Variants in ZNF609 observed in about 807,000 individuals in gnomAD.
The protein encoded by ZNF609 is zinc finger protein 609.
Under a neutral mutation model 109.5 loss-of-function variants are expected in ZNF609, and 11 were observed. That is an observed-to-expected ratio of 0.10 (90% CI 0.06 to 0.17). The LOEUF (loss-of-function observed/expected upper bound fraction) is 0.17, where lower values mean the gene tolerates loss of function less well. Among genes scored for constraint, ZNF609 ranks in the 10% least tolerant of loss-of-function variants. The pLI is 1.00. For missense variants in ZNF609, 1,559 were observed against 1,772.4 expected, an observed-to-expected ratio of 0.88 and a Z score of 2.16; for synonymous variants, 646 against 662.0, an observed-to-expected ratio of 0.98 and a Z score of 0.37.
At chr15:64,547,846 G>A (rs1235882651) in intron 2 of ZNF609, among the ~76,000 whole-genome samples, 1 of 152,088 alleles carries the variant, frequency 6.6e-6, no homozygotes, top group Non-Finnish European at 1.5e-5. Flanking sequence ...TTTTATTAGT[G>A]GTGAGAAGGG....
intron 1 of ZNF609, among the ~76,000 whole-genome samples, chr15:64,467,229 A>C (rs1893027822): frequency 6.6e-6 from 1 of 152,164 alleles, no homozygotes; most frequent in Admixed American, 6.5e-5. Context: ...CTGATGCCAG[A>C]CAAGCTCTGA....
intron 2 of ZNF609, among the ~76,000 whole-genome samples, chr15:64,580,725 G>A (rs1895087170): frequency 6.6e-6 from 1 of 151,636 alleles, no homozygotes; most frequent in African/African-American, 2.4e-5. Context: ...TAGAGATGGG[G>A]TTCCACCTTG....
chr15:64,463,087 C>G (rs1007422347), intron 1 of ZNF609, among the ~76,000 whole-genome samples: 1 of 152,184 alleles, frequency 6.6e-6, no homozygotes. Context: ...GAACTCATCT[C>G]TACAAAAATT....
chr15:64,619,975 A>C (rs2140969981), intron 2 of ZNF609, among the ~76,000 whole-genome samples: 1 of 152,352 alleles, frequency 6.6e-6, no homozygotes, highest in Middle Eastern at 3.4e-3. Flanking sequence ...GCAGGAAATT[A>C]AACTACTTCC....
intron 1 of ZNF609, among the ~76,000 whole-genome samples, chr15:64,475,015 A>G (rs1893147000): frequency 6.6e-6 from 1 of 151,150 alleles, no homozygotes; most frequent in South Asian, 2.1e-4. Context: ...GCTGGCCTCA[A>G]ACTCCTGGGC....
intron 2 of ZNF609, among the ~76,000 whole-genome samples, chr15:64,547,721 G>A (rs897398001): frequency 1.3e-5 from 2 of 151,382 alleles, no homozygotes; most frequent in Non-Finnish European, 2.9e-5. Context: ...TTAGTGCTTG[G>A]GATACATCAG....
chr15:64,567,715 G>T (rs1256772527), intron 2 of ZNF609, among the ~76,000 whole-genome samples: 2 of 151,392 alleles, frequency 1.3e-5, no homozygotes, highest in Non-Finnish European at 2.9e-5. Flanking sequence ...AGGCTGAAGT[G>T]CAGTGGCACG....
intron 1 of ZNF609, among the ~76,000 whole-genome samples, chr15:64,485,505 A>G (rs1313323526): frequency 2.0e-5 from 3 of 152,200 alleles, no homozygotes; most frequent in Non-Finnish European, 4.4e-5. Flanking sequence ...ACGCAGTTGT[A>G]AGAATAATGC....
chr15:64,539,870 CA>C (rs1567009025), intron 2 of ZNF609, among the ~76,000 whole-genome samples: 2 of 151,864 alleles, frequency 1.3e-5, no homozygotes, highest in Non-Finnish European at 2.9e-5. Context: ...CTCCTGACCC[CA>C]GATGATCAGC....
intron 3 of ZNF609, among the ~76,000 whole-genome samples, chr15:64,628,600 A>AAT (rs1896012753): frequency 6.6e-6 from 1 of 152,050 alleles, no homozygotes; most frequent in Non-Finnish European, 1.5e-5. Flanking sequence ...GATGTGAGAG[A>AAT]ATATGCGGCT....
At chr15:64,495,564 C>T (rs1178765120) in intron 1 of ZNF609, among the ~76,000 whole-genome samples, 2 of 151,424 alleles carry the variant, frequency 1.3e-5, no homozygotes, top group African/African-American at 2.4e-5. Context: ...GGTTAATTTT[C>T]GTATTTTTGT....
chr15:64,598,725 C>T (rs1473497549), intron 2 of ZNF609, among the ~76,000 whole-genome samples: 9 of 123,894 alleles, frequency 7.3e-5, no homozygotes, highest in African/African-American at 2.7e-4. Context: ...AACTGTCCAT[C>T]ATACATCTTT....
At position 64,675,709 on chromosome 15, in the gene ZNF609, G is replaced by A. The variant is rs765699443; in HGVS notation, c.2855G>A (p.Ser952Asn). 4 of 1,614,038 alleles carry A rather than the reference G, an allele frequency of 2.5e-6. No individual in the cohort carries two copies. The East Asian group carries it at 8.9e-5, about 36-fold the overall frequency. The stretch of plus-strand genomic sequence containing the variant: ...TGTGAAGAAAAGAAGCCCGAGCTGA[G>A]CAGTTCCAGTCAGCAGCCCTCGGTC... The part of the protein sequence containing the change: ...DICEEKKPEL[S>N]SSSQQPSVIQ... The change falls in exon 5 of 10, where the codon AGC becomes AAC. Residue 952 changes from serine (S) to asparagine (N), a missense_variant. Around this residue, in one of 4 missense-constraint regions of ZNF609, gnomAD observed 1,204 missense variants for 1,314.1 expected, o/e 0.92. Transcript: ENST00000326648.
chr15:64,574,802 T>C (rs1038543402), intron 2 of ZNF609, among the ~76,000 whole-genome samples: 9 of 152,172 alleles, frequency 5.9e-5, no homozygotes, highest in African/African-American at 1.7e-4. Flanking sequence ...GTCTGCAGCC[T>C]CTGTGGTTTG....
At chr15:64,533,521 A>AG (rs1166514626) in intron 2 of ZNF609, among the ~76,000 whole-genome samples, 1 of 152,166 alleles carries the variant, frequency 6.6e-6, no homozygotes, top group Non-Finnish European at 1.5e-5. Flanking sequence ...TAGCGTTCTT[A>AG]GGTTTGCTTA....
intron 2 of ZNF609, among the ~76,000 whole-genome samples, chr15:64,617,641 A>T (rs577804253): frequency 6.6e-6 from 1 of 151,252 alleles, no homozygotes; most frequent in East Asian, 2.0e-4. Flanking sequence ...TTAGCCAGGC[A>T]TGGTGGTGGG....
chr15:64,466,891 C>G (rs1893022713), intron 1 of ZNF609, among the ~76,000 whole-genome samples: 1 of 151,980 alleles, frequency 6.6e-6, no homozygotes, highest in Non-Finnish European at 1.5e-5. Flanking sequence ...CTATTATAGT[C>G]ACAACCCAGA....
intron 3 of ZNF609, among the ~76,000 whole-genome samples, chr15:64,665,609 T>G (rs1229316957): frequency 6.6e-6 from 1 of 151,934 alleles, no homozygotes; most frequent in African/African-American, 2.4e-5. Context: ...CAGAAAAAAT[T>G]ATAAAAAGTA....
At chr15:64,653,492 A>G (rs1896446440) in intron 3 of ZNF609, among the ~76,000 whole-genome samples, 1 of 151,940 alleles carries the variant, frequency 6.6e-6, no homozygotes, top group Non-Finnish European at 1.5e-5. Flanking sequence ...TAAAAATACA[A>G]AAAATTAGCT....
Sources: allele counts gnomAD v4.1 joint callset (sites outside exome capture counted in the v4.1 genomes callset), GRCh38; gene constraint gnomAD v4.1.1; regional missense constraint gnomAD v4.1.1; transcripts MANE v1.5; gene names NCBI Gene and HGNC (gene_info 2026-07-23, HGNC 2026-07-21).